Variants in GALNT13 observed in about 807,000 individuals in gnomAD.
GALNT13 encodes polypeptide N-acetylgalactosaminyltransferase 13, also known as UDP-GalNAc:polypeptide N-acetylgalactosaminyltransferase 13.
A neutral mutation model predicts 64.2 loss-of-function variants in GALNT13; 28 were observed. The ratio of observed to expected loss-of-function variants is 0.44; its 90% CI spans 0.32 to 0.60. The LOEUF (loss-of-function observed/expected upper bound fraction) is 0.60. Among genes scored for constraint, GALNT13 ranks in the 20% least tolerant of loss-of-function variants. The probability of loss-of-function intolerance (pLI) is 0.05; values close to 1 mark genes in which losing one functional copy is unlikely to be tolerated. For missense variants in GALNT13, 577 were observed against 669.8 expected (o/e 0.86, Z 1.53); for synonymous variants, 214 against 224.6 (o/e 0.95, Z 0.42).
At chr2:153,743,259 C>T in the GALNT13 span, among the ~76,000 whole-genome samples, 1 of 152,006 alleles carries the variant, frequency 6.6e-6, no homozygotes, top group Non-Finnish European at 1.5e-5. Context: ...TCCTTTTCTT[C>T]ACATCCATGG....
the GALNT13 span, among the ~76,000 whole-genome samples, chr2:153,603,448 A>G: frequency 6.6e-6 from 1 of 151,986 alleles, no homozygotes; most frequent in South Asian, 2.1e-4. Context: ...ATGTTACCAT[A>G]TACTTGTCTA....
the GALNT13 span, among the ~76,000 whole-genome samples, chr2:153,576,564 C>T: frequency 6.6e-6 from 1 of 152,172 alleles, no homozygotes; most frequent in African/African-American, 2.4e-5. Context: ...CTCATAATTG[C>T]TGTGCTCTCC....
intron 9 of GALNT13, among the ~76,000 whole-genome samples, chr2:154,363,207 C>T (rs1524914): frequency 0.069 from 10,547 of 152,206 alleles, 360 homozygotes; most frequent in Middle Eastern, 0.12. Context: ...GCCAGATGTA[C>T]GCCTGTCCAA....
intron 11 of GALNT13, among the ~76,000 whole-genome samples, chr2:154,430,070 A>C (rs995507707): frequency 2.0e-5 from 3 of 152,202 alleles, no homozygotes; most frequent in Non-Finnish European, 4.4e-5. Flanking sequence ...ATGTACAAGG[A>C]GATTAATGTT....
the GALNT13 span, among the ~76,000 whole-genome samples, chr2:153,866,664 T>C: frequency 6.6e-6 from 1 of 152,340 alleles, no homozygotes; most frequent in East Asian, 1.9e-4. Flanking sequence ...AATAATAAGA[T>C]ATATTGAATC....
the GALNT13 span, among the ~76,000 whole-genome samples, chr2:153,405,367 T>C: frequency 6.6e-6 from 1 of 152,174 alleles, no homozygotes; most frequent in African/African-American, 2.4e-5. Flanking sequence ...TTAGGGGAAA[T>C]GCATGCACAG....
chr2:153,856,676 G>A, the GALNT13 span, among the ~76,000 whole-genome samples: 1 of 152,042 alleles, frequency 6.6e-6, no homozygotes, highest in African/African-American at 2.4e-5. Context: ...CTGAACAATA[G>A]GGAAAATTTA....
the GALNT13 span, among the ~76,000 whole-genome samples, chr2:153,510,999 A>G: frequency 6.6e-6 from 1 of 152,118 alleles, no homozygotes; most frequent in African/African-American, 2.4e-5. Context: ...AGACTGACCT[A>G]GGAGTTACAA....
chr2:154,019,655 A>AC lies in GALNT13; in HGVS notation c.142+75016_142+75017insC, dbSNP rs1558911641. On this transcript the variant is annotated intron_variant, in intron 3 of 12. Transcript: ENST00000392825. ...ACACACACACACACACACACACACA[A>AC]AAGCAAGAAAAATGCACATGTTTAA... Among the ~76,000 whole-genome samples, 950 of 108,762 alleles carry AC rather than the reference A, an allele frequency of 8.7e-3. 15 individuals carry two copies. The highest frequency in any genetic ancestry group is 0.013 in the Non-Finnish European group (569 of 44,370). 71.4% of individuals were successfully genotyped at this position (108,762 alleles called of 152,430 possible).
At chr2:153,482,945 A>T in the GALNT13 span, among the ~76,000 whole-genome samples, 15 of 152,344 alleles carry the variant, frequency 9.8e-5, no homozygotes, top group African/African-American at 2.9e-4. Context: ...TGAGGTGGAC[A>T]TCAATATGCA....
chr2:153,781,798 A>G, the GALNT13 span, among the ~76,000 whole-genome samples: 1 of 152,190 alleles, frequency 6.6e-6, no homozygotes, highest in South Asian at 2.1e-4. Context: ...ATTACTCTAA[A>G]TTCTATAGAG....
the GALNT13 span, among the ~76,000 whole-genome samples, chr2:153,576,876 T>C: frequency 5.9e-5 from 9 of 152,314 alleles, no homozygotes; most frequent in Non-Finnish European, 1.0e-4. Flanking sequence ...AGAAGTAGCA[T>C]AAATTTAGAA....
At chr2:153,319,387 C>T in the GALNT13 span, among the ~76,000 whole-genome samples, 2 of 152,178 alleles carry the variant, frequency 1.3e-5, no homozygotes, top group African/African-American at 4.8e-5. Context: ...AATCCTCCCA[C>T]CTCAGCCTTC....
intron 3 of GALNT13, among the ~76,000 whole-genome samples, chr2:154,038,794 C>T (rs1436882948): frequency 6.6e-6 from 1 of 151,786 alleles, no homozygotes; most frequent in Non-Finnish European, 1.5e-5. Context: ...TTCTGTACAG[C>T]AAAGGAAAAA....
At chr2:153,760,329 T>TTTTTC in the GALNT13 span, among the ~76,000 whole-genome samples, 13 of 152,054 alleles carry the variant, frequency 8.5e-5, no homozygotes, top group East Asian at 1.5e-3. Context: ...TGGGCTTAAT[T>TTTTTC]TTTTCTTCTT....
chr2:153,876,698 G>T (rs925926488), intron 1 of GALNT13, among the ~76,000 whole-genome samples: 6 of 152,120 alleles, frequency 3.9e-5, no homozygotes, highest in Non-Finnish European at 1.5e-5. Context: ...AAAGACATCT[G>T]TGTGATTCTG....
rs138854343 is a variant in GALNT13 at position 153,997,257 on chromosome 2, G to T, written c.142+52618G>T. 6.6e-5 allele frequency among the ~76,000 whole-genome samples: 10 copies of T among 152,016 alleles called. No individual in the cohort carries two copies. In the East Asian group the frequency reaches 1.7e-3, roughly 27 times the overall value. ...TTGCATTGAAATTATATATCACCTT[G>T]GATAATATGGACATTTTAATAATAT... On this transcript the variant is annotated intron_variant, in intron 3 of 12. Transcript: ENST00000392825.
chr2:154,193,139 A>G (rs1686689856), intron 4 of GALNT13, among the ~76,000 whole-genome samples: 1 of 152,228 alleles, frequency 6.6e-6, no homozygotes, highest in South Asian at 2.1e-4. Context: ...GCTCAGGATA[A>G]GAGTACAAAT....
intron 10 of GALNT13, among the ~76,000 whole-genome samples, chr2:154,407,872 G>T (rs1404706923): frequency 6.6e-6 from 1 of 151,954 alleles, no homozygotes; most frequent in Non-Finnish European, 1.5e-5. Context: ...ACTAGTACTT[G>T]GCCATGAGGT....
Sources: gnomAD v4.1 joint callset for allele counts (sites outside exome capture counted in the v4.1 genomes callset) on GRCh38, gnomAD v4.1.1 for gene constraint, MANE v1.5 for transcripts, NCBI Gene and HGNC (gene_info 2026-07-23, HGNC 2026-07-21) for gene names.